The following LETM2 variants were observed in gnomAD, a reference collection of about 807,000 sequenced individuals.
LETM2 encodes LETM1 domain-containing protein LETM2, mitochondrial.
Under a neutral mutation model 59.6 loss-of-function variants are expected in LETM2, and 58 were observed. The ratio of observed to expected loss-of-function variants is 0.97; its 90% CI spans 0.79 to 1.21. The LOEUF (loss-of-function observed/expected upper bound fraction) is 1.21, where lower values mean the gene tolerates loss of function less well. Ranked by LOEUF, LETM2 falls within the 50% of genes most tolerant of loss-of-function variation. The probability of loss-of-function intolerance (pLI) is 0.00; values close to 1 mark genes in which losing one functional copy is unlikely to be tolerated. For synonymous variants in LETM2, 199 were observed against 214.1 expected (o/e 0.93, Z 0.62); for missense variants, 572 against 575.7 (o/e 0.99, Z 0.07).
chr8:38,385,384 C>A (rs976665112), upstream of LETM2, among the ~76,000 whole-genome samples: 1 of 152,014 alleles, frequency 6.6e-6, no homozygotes, highest in African/African-American at 2.4e-5. Flanking sequence ...TCGAGTAGAG[C>A]CACTAAGAAA....
At chr8:38,384,889 C>G (rs1437335024), upstream of LETM2, among the ~76,000 whole-genome samples, 1 of 152,214 alleles carries the variant, frequency 6.6e-6, no homozygotes, top group African/African-American at 2.4e-5. Flanking sequence ...TATAAAATGT[C>G]TCCCAGGGAA....
rs1337699801 is a variant in LETM2 at position 38,391,428 on chromosome 8, G to A, written c.48-1114G>A. Among the ~76,000 whole-genome samples the A allele has an allele frequency of 1.6e-4, 22 of 140,168 alleles. No individual in the cohort carries two copies. The East Asian group carries it at 2.1e-3, about 13-fold the overall frequency. The allele number at this position is 140,168 out of a possible 152,430, so 92.0% of individuals were successfully genotyped here. ...AGTGATTCTCCTGCCTCAGCCTCCC[G>A]AGTAGCTGGGACTACAGGCACGTGC... On this transcript the variant is annotated intron_variant, in intron 2 of 10. Coordinates refer to ENST00000379957, the MANE Select transcript of LETM2 (RefSeq NM_001286819.2).
chr8:38,397,620 A>G (rs1417629523), intron 4 of LETM2, among the ~76,000 whole-genome samples: 2 of 152,150 alleles, frequency 1.3e-5, no homozygotes, highest in Admixed American at 6.5e-5. Flanking sequence ...GAAGGCATCC[A>G]CCCACTTAAG....
At chr8:38,385,940 T>C (rs756348897), upstream of LETM2, among the ~76,000 whole-genome samples, 30 of 152,188 alleles carry the variant, frequency 2.0e-4, no homozygotes, top group Admixed American at 1.2e-3. Context: ...TAAGGGACCA[T>C]TGAGAAAGCA....
intron 9 of LETM2, 44 bp downstream of exon 9, chr8:38,407,082 A>C (rs1165825033): frequency 8.1e-7 from 1 of 1,231,138 alleles, no homozygotes; most frequent in Admixed American, 1.8e-5. Context: ...TTAAAAAATG[A>C]AAATAGCAAT....
chr8:38,397,274 G>A (rs370922936), intron 4 of LETM2: 128 of 392,990 alleles, frequency 3.3e-4, no homozygotes, highest in African/African-American at 2.5e-3. Flanking sequence ...CCTCCCGGAT[G>A]CAAGCAATTC....
In LETM2 at chr8:38,400,875, G is replaced by A; in HGVS notation, c.806G>A (p.Ser269Asn). The change falls in exon 6 of 11, where the codon AGC (serine) becomes AAC (asparagine). Residue 269 changes from serine (S) to asparagine (N), a missense_variant. By Grantham distance (46) the Ser-to-Asn change is conservative. Transcript: ENST00000379957. Reference sequence around the variant, plus strand: ...TAGGTCCAGACAGGCCACAAGCCCAGCACAAAGGAGATAGTTCGCTTCTCC... The same window carrying A: ...TAGGTCCAGACAGGCCACAAGCCCAACACAAAGGAGATAGTTCGCTTCTCC... The part of the protein sequence containing the change: ...VKQVQTGHKP[S>N]TKEIVRFSKL... 6.2e-7 allele frequency: 1 copy of A among 1,614,158 alleles called. No homozygotes were observed. Among genetic ancestry groups the A allele is most frequent in the Non-Finnish European group, 8.5e-7 (1 of 1,180,032 alleles).
intron 2 of LETM2, among the ~76,000 whole-genome samples, chr8:38,390,208 G>T (rs566888726): frequency 6.6e-6 from 1 of 151,810 alleles, no homozygotes. Flanking sequence ...ACCAAGCCAG[G>T]CATGGTGCAT....
At chr8:38,384,248 T>G (rs937233327), upstream of LETM2, among the ~76,000 whole-genome samples, 1 of 152,176 alleles carries the variant, frequency 6.6e-6, no homozygotes, top group African/African-American at 2.4e-5. Flanking sequence ...TTGAGGAGAA[T>G]CTAGTAAATT....
At chr8:38,393,925 T>G in intron 3 of LETM2, 173 bp from the exon 4 acceptor site, 1 of 462,772 alleles carries the variant, frequency 2.2e-6, no homozygotes, top group Non-Finnish European at 3.7e-6. Flanking sequence ...GAGGCTGAGG[T>G]GGAAGGATTG....
chr8:38,403,199 G>A (rs969493245), intron 7 of LETM2, among the ~76,000 whole-genome samples: 16 of 152,170 alleles, frequency 1.1e-4, no homozygotes, highest in Non-Finnish European at 2.1e-4. Flanking sequence ...TCATGTGATT[G>A]GTGAGGCCCA....
At chr8:38,400,195 A>G in intron 4 of LETM2, 77 bp from the exon 5 acceptor site, 1 of 1,129,646 alleles carries the variant, frequency 8.9e-7, no homozygotes, top group Non-Finnish European at 1.3e-6. Flanking sequence ...ACAAGGAGAC[A>G]GTTATTTTTC....
In LETM2 at chr8:38,404,934, C is replaced by G. The variant is rs561359686; in HGVS notation, c.1218+428C>G. 18 of 168,176 alleles carry G rather than the reference C, an allele frequency of 1.1e-4. No homozygotes were observed. In the East Asian group the frequency reaches 2.6e-3, roughly 24 times the overall value. 10.4% of individuals were successfully genotyped at this position (168,176 alleles called of 1,614,324 possible). On this transcript the variant is annotated intron_variant, in intron 8 of 10. Transcript: ENST00000379957. ...GGAGGTGCAGTGAGACGAGATCACG[C>G]CATTGCACTGCAGCCTGGGCAATAG...
intron 6 of LETM2, 43 bp downstream of exon 6, chr8:38,401,096 G>A (rs780615936): frequency 6.6e-7 from 1 of 1,504,308 alleles, no homozygotes; most frequent in South Asian, 1.1e-5. Context: ...CAAGGTTTTG[G>A]GACATACCTT....
chr8:38,395,990 A>T (rs1362856317), intron 4 of LETM2, among the ~76,000 whole-genome samples: 1 of 152,090 alleles, frequency 6.6e-6, no homozygotes, highest in African/African-American at 2.4e-5. Flanking sequence ...TGCTTTCAGG[A>T]TTAATGACAT....
chr8:38,388,787 G>A (rs546374853), intron 2 of LETM2, among the ~76,000 whole-genome samples: 2 of 150,896 alleles, frequency 1.3e-5, no homozygotes, highest in East Asian at 3.9e-4. Context: ...TTTTTGGGAC[G>A]GATTATCACT....
rs193148271 is a variant in LETM2 at position 38,388,062 on chromosome 8, G to A, written c.47+32G>A. On this transcript the variant is annotated intron_variant, in intron 2 of 10. Transcript: ENST00000379957. ...ATTGGAGTTACCCCCCAATATGAAC[G>A]TAATTCTTCTTCTTCTTCTTTTTTT... 250 of 1,372,276 alleles carry A rather than the reference G, an allele frequency of 1.8e-4. No individual in the cohort carries two copies. In the African/African-American group the frequency reaches 2.8e-3, roughly 15 times the overall value. The allele number at this position is 1,372,276 out of a possible 1,614,324, so 85.0% of individuals were successfully genotyped here. A position where few individuals can be genotyped will look rare whatever the true frequency, so the allele number is the denominator to read the frequency against.
In LETM2 at chr8:38,390,028, C is replaced by A. The variant is rs75262405; in HGVS notation, c.47+1998C>A. On this transcript the variant is annotated intron_variant, in intron 2 of 10. Coordinates refer to ENST00000379957, the MANE Select transcript of LETM2 (RefSeq NM_001286819.2). ...AAAAAAAAAAAAAAAAAAGAACAGC[C>A]TGGATAACATAGCAAGACCTCATCT... 7.9e-3 allele frequency among the ~76,000 whole-genome samples: 1,187 copies of A among 150,700 alleles called. 20 individuals carry two copies. The highest frequency in any genetic ancestry group is 0.027 in the African/African-American group (1,107 of 41,084).
At position 38,392,881 on chromosome 8, in the gene LETM2, A is replaced by G; in HGVS notation, c.387A>G (p.Glu129=). The change falls in exon 3 of 11, where the codon GAA becomes GAG. Residue 129 remains glutamate, a synonymous_variant. Transcript: ENST00000379957. ...KQSYRQKIMD[E]LKYYYNGFYL... ...CTTATAGACAAAAAATCATGGATGA[A>G]CTAAAATATTATTACAATGGATTCT... 6.2e-7 allele frequency: 1 copy of G among 1,614,136 alleles called. No individual in the cohort carries two copies. Among genetic ancestry groups the G allele is most frequent in the Non-Finnish European group, 8.5e-7 (1 of 1,180,034 alleles).
Sources: allele counts gnomAD v4.1 joint callset (sites outside exome capture counted in the v4.1 genomes callset), GRCh38; gene constraint gnomAD v4.1.1; transcripts MANE v1.5; gene names NCBI Gene and HGNC (gene_info 2026-07-23, HGNC 2026-07-21).